Variants in MATN2 observed in about 807,000 individuals in gnomAD.
The protein encoded by MATN2 is matrilin 2, also known as matrilin-2.
Under a neutral mutation model 103.2 loss-of-function variants are expected in MATN2, and 69 were observed. That is an observed-to-expected ratio of 0.67 (90% CI 0.55 to 0.82). The LOEUF (loss-of-function observed/expected upper bound fraction) is 0.82. Among genes scored for constraint, MATN2 ranks in the 40% least tolerant of loss-of-function variants. The probability of loss-of-function intolerance (pLI) is 0.00; values close to 1 mark genes in which losing one functional copy is unlikely to be tolerated. For missense variants in MATN2, 1,023 were observed against 1,211.5 expected, an observed-to-expected ratio of 0.84 and a Z score of 2.31; for synonymous variants, 429 against 450.2, an observed-to-expected ratio of 0.95 and a Z score of 0.60.
At chr8:97,953,653 G>A (rs1275060436) in intron 4 of MATN2, among the ~76,000 whole-genome samples, 1 of 152,182 alleles carries the variant, frequency 6.6e-6, no homozygotes, top group Non-Finnish European at 1.5e-5. Context: ...GGGCATGGTG[G>A]CACATGCCTG....
At chr8:98,032,352 G>T (rs1345376287) in intron 16 of MATN2, 35 bp downstream of exon 16, 13 of 1,530,598 alleles carry the variant, frequency 8.5e-6, no homozygotes, top group Non-Finnish European at 1.2e-5. Context: ...TAGAAATTTT[G>T]GTGGAGGGAA....
intron 10 of MATN2, among the ~76,000 whole-genome samples, chr8:98,014,153 A>C (rs1458537055): frequency 6.6e-6 from 1 of 152,128 alleles, no homozygotes; most frequent in Admixed American, 6.6e-5. Context: ...GGAGGACAGG[A>C]CTGGGCACAA....
intron 1 of MATN2, among the ~76,000 whole-genome samples, chr8:97,874,306 C>T (rs1376169997): frequency 6.6e-6 from 1 of 152,126 alleles, no homozygotes; most frequent in Non-Finnish European, 1.5e-5. Context: ...ACGCATTGCT[C>T]GGTTTGCTTC....
intron 6 of MATN2, among the ~76,000 whole-genome samples, chr8:97,991,751 A>G (rs1812397376): frequency 6.6e-6 from 1 of 152,052 alleles, no homozygotes; most frequent in African/African-American, 2.4e-5. Flanking sequence ...TTTTTCAGAA[A>G]TGGGGTCTTG....
Position 98,035,689 on chromosome 8 carries a change from GA to G in MATN2, c.2852del (p.Asn951IlefsTer3). The G allele has an allele frequency of 1.3e-6, 2 of 1,599,400 alleles. No individual in the cohort carries two copies. Among genetic ancestry groups the G allele is most frequent in the Non-Finnish European group, 1.7e-6 (2 of 1,170,774 alleles). ...AATGACACAGAGAATGGAAGCCCTG[GA>G]AAATCGCCTGAGATACAGATGAAGA... ...EEMTQRMEAL[E>X]NRLRYR is the part of the protein sequence containing the mutation. On this transcript the variant is annotated frameshift_variant, in exon 19 of 19. Coordinates refer to ENST00000254898, the MANE Select transcript of MATN2 (RefSeq NM_002380.5). LOFTEE classifies it high-confidence loss of function.
At chr8:97,956,004 G>T (rs978302253) in intron 4 of MATN2, among the ~76,000 whole-genome samples, 1 of 152,178 alleles carries the variant, frequency 6.6e-6, no homozygotes, top group South Asian at 2.1e-4. Flanking sequence ...AGCCCATGAG[G>T]GTTCTTGGCT....
intron 1 of MATN2, among the ~76,000 whole-genome samples, chr8:97,870,861 G>A (rs557278444): frequency 6.6e-6 from 1 of 152,316 alleles, no homozygotes; most frequent in East Asian, 1.9e-4. Flanking sequence ...TTGGCACTTA[G>A]AATCCTCTGT....
At chr8:97,890,729 C>A (rs1351653475) in intron 2 of MATN2, among the ~76,000 whole-genome samples, 1 of 152,138 alleles carries the variant, frequency 6.6e-6, no homozygotes, top group African/African-American at 2.4e-5. Context: ...ATGGCCCAGG[C>A]CACATTTCAC....
Position 97,931,360 on chromosome 8 carries a change from G to A in MATN2, c.550G>A (p.Ala184Thr). 2 of 1,613,870 alleles carry A rather than the reference G, an allele frequency of 1.2e-6. No individual in the cohort carries two copies. The highest frequency in any genetic ancestry group is 1.7e-6 in the Non-Finnish European group (2 of 1,179,880). The stretch of plus-strand genomic sequence containing the variant: ...CTCCGTGGCCGAGGTGGCTGCTAAG[G>A]CACGGGACACGGGCATCCTAATCTT... ...QDSVAEVAAK[A>T]RDTGILIFAI... Residue 184 changes from alanine to threonine, a missense_variant, in exon 3 of 19, where the codon GCA becomes ACA. Transcript: ENST00000254898. This position sits in a 1 kb window ranked among gnomAD's most constrained non-coding sequence, Gnocchi z 4.1.
At chr8:97,915,406 A>G (rs1020810433) in intron 2 of MATN2, among the ~76,000 whole-genome samples, 6 of 152,162 alleles carry the variant, frequency 3.9e-5, no homozygotes, top group African/African-American at 1.2e-4. Flanking sequence ...CAAAGAGGGG[A>G]TTCCTGCAAT....
intron 4 of MATN2, among the ~76,000 whole-genome samples, chr8:97,948,686 C>T (rs968658785): frequency 7.2e-5 from 11 of 152,160 alleles, no homozygotes; most frequent in Non-Finnish European, 1.3e-4. Flanking sequence ...TAGATCTTGT[C>T]TTTACCTCAT....
At chr8:98,013,728 T>G (rs1272939049) in intron 10 of MATN2, among the ~76,000 whole-genome samples, 3 of 152,226 alleles carry the variant, frequency 2.0e-5, no homozygotes, top group Non-Finnish European at 2.9e-5. Flanking sequence ...CTTTAAGTAT[T>G]CATACCCTTT....
At chr8:97,934,134 G>C (rs1163678741) in intron 3 of MATN2, among the ~76,000 whole-genome samples, 1 of 152,152 alleles carries the variant, frequency 6.6e-6, no homozygotes, top group African/African-American at 2.4e-5. Flanking sequence ...CCACAGTCCA[G>C]CCTGGCCAGG....
At position 97,888,164 on chromosome 8, in the gene MATN2, G is replaced by A; in HGVS notation, c.64G>A (p.Glu22Lys). 2.1e-5 allele frequency: 33 copies of A among 1,608,604 alleles called. No individual in the cohort carries two copies. The highest frequency in any genetic ancestry group is 2.7e-5 in the Non-Finnish European group (32 of 1,177,306). ...CGGACAGATCGTCCTCCTCCCTGCC[G>A]AGGCCAGGGAGCGGTCACGTGGGAG... ...ILGQIVLLPAEARERSRGRSI... is the reference protein window; with the variant it reads ...ILGQIVLLPAKARERSRGRSI... Residue 22 changes from glutamate to lysine, a missense_variant, in exon 2 of 19, where the codon GAG becomes AAG. Glu to Lys is a moderately conservative substitution (Grantham distance 56). Transcript: ENST00000254898.
chr8:97,946,316 G>T (rs1009805242), intron 4 of MATN2, among the ~76,000 whole-genome samples: 2 of 152,182 alleles, frequency 1.3e-5, no homozygotes, highest in African/African-American at 4.8e-5. Context: ...TCAAGGTGTA[G>T]AATTTTATCT....
intron 2 of MATN2, among the ~76,000 whole-genome samples, 166 bp from the exon 3 acceptor site, chr8:97,930,787 A>C (rs1049479798): frequency 6.6e-6 from 1 of 151,808 alleles, no homozygotes; most frequent in African/African-American, 2.4e-5. Context: ...ACACCCGGCT[A>C]ATTTTTGTAT....
At chr8:97,869,528 G>C (rs1185383920) in intron 1 of MATN2, among the ~76,000 whole-genome samples, 1 of 152,138 alleles carries the variant, frequency 6.6e-6, no homozygotes, top group Non-Finnish European at 1.5e-5. Flanking sequence ...CGCTCCCTGC[G>C]CAGGACAAGC....
chr8:97,931,302 C>T lies in MATN2; in HGVS notation c.492C>T (p.Val164=). The T allele has an allele frequency of 6.2e-7, 1 of 1,613,900 alleles. No homozygotes were observed. The highest frequency in any genetic ancestry group is 1.3e-5 in the African/African-American group (1 of 75,042). Residue 164 remains valine, a synonymous_variant, in exon 3 of 19, where the codon GTC becomes GTT. Transcript: ENST00000254898. The surrounding 1 kb of genome is among the most constrained non-coding windows in gnomAD (Gnocchi z 4.1). ...CCCTGAGGGAGAATGTGCCACGGGTCATAATGATCGTGACAGATGGGAGAC... is the reference window on the plus strand; with the variant it reads ...CCCTGAGGGAGAATGTGCCACGGGTTATAATGATCGTGACAGATGGGAGAC... ...ARPLRENVPR[V]IMIVTDGRPQ...
intron 10 of MATN2, among the ~76,000 whole-genome samples, chr8:98,013,223 C>T (rs768793725): frequency 2.6e-5 from 4 of 152,222 alleles, no homozygotes; most frequent in Non-Finnish European, 5.9e-5. Flanking sequence ...TTGGCATTCT[C>T]TAATTTCCCA....
Sources: gnomAD v4.1 joint callset for allele counts (sites outside exome capture counted in the v4.1 genomes callset) on GRCh38, gnomAD v4.1.1 for gene constraint, Gnocchi (gnomAD v3.1) non-coding constraint, MANE v1.5 for transcripts, NCBI Gene and HGNC (gene_info 2026-07-23, HGNC 2026-07-21) for gene names.